ENO4: variants seen among roughly 807,000 people sequenced by gnomAD.
The protein encoded by ENO4 is enolase 4.
ENO4 carries 53 observed loss-of-function variants against 63.2 expected under a neutral mutation model. The observed-to-expected ratio is 0.84, with a 90% CI of 0.67 to 1.05. The LOEUF (loss-of-function observed/expected upper bound fraction) is 1.05, where lower values mean the gene tolerates loss of function less well. ENO4 is among the 50% of genes least tolerant of loss of function. The probability of loss-of-function intolerance (pLI) is 0.00; values close to 1 mark genes in which losing one functional copy is unlikely to be tolerated. For missense variants in ENO4, 719 were observed against 772.0 expected, an observed-to-expected ratio of 0.93 and a Z score of 0.81; for synonymous variants, 266 against 283.8, an observed-to-expected ratio of 0.94 and a Z score of 0.63.
intron 8 of ENO4, 120 bp from the exon 9 acceptor site, chr10:116,871,005 G>A (rs957071309): frequency 5.3e-5 from 43 of 818,922 alleles, no homozygotes; most frequent in Non-Finnish European, 7.3e-5. Flanking sequence ...AAGTAGGATT[G>A]AGAATCAAAG....
intron 10 of ENO4, among the ~76,000 whole-genome samples, chr10:116,891,166 T>C (rs1490432473): frequency 6.6e-6 from 1 of 152,264 alleles, no homozygotes; most frequent in Non-Finnish European, 1.5e-5. Flanking sequence ...TGGGACATTT[T>C]GAACATTACA....
chr10:116,853,441 A>G (rs1846150792), intron 1 of ENO4, among the ~76,000 whole-genome samples: 1 of 152,170 alleles, frequency 6.6e-6, no homozygotes, highest in African/African-American at 2.4e-5. Flanking sequence ...TAATGACATA[A>G]TGTATATACA....
rs1250130211 is a variant in ENO4 at position 116,879,849 on chromosome 10, AGT to A, written c.1606-19_1606-18del. On this transcript the variant is annotated intron_variant, in intron 12 of 13. Transcript: ENST00000341276. ...AGACATGGCTCCTCCGTCTAAAATT[AGT>A]TTTTTCCCCCCTTTCAGGCTGTTGG... is the stretch of plus-strand genomic sequence containing the variant. 1.3e-6 allele frequency: 2 copies of A among 1,528,952 alleles called. No homozygotes were observed. Among genetic ancestry groups the A allele is most frequent in the East Asian group, 4.9e-5 (2 of 40,768 alleles). The allele number at this position is 1,528,952 out of a possible 1,614,324, so 94.7% of individuals were successfully genotyped here. A position where few individuals can be genotyped will look rare whatever the true frequency, so the allele number is the denominator to read the frequency against.
At chr10:116,878,683 C>G (rs1846903966) in intron 11 of ENO4, among the ~76,000 whole-genome samples, 1 of 150,956 alleles carries the variant, frequency 6.6e-6, no homozygotes, top group African/African-American at 2.4e-5. Flanking sequence ...CTAATTTGAG[C>G]ATCCCCCTAC....
intron 10 of ENO4, among the ~76,000 whole-genome samples, chr10:116,874,639 A>G (rs1056095123): frequency 6.6e-6 from 1 of 152,114 alleles, no homozygotes; most frequent in Non-Finnish European, 1.5e-5. Flanking sequence ...TTCAACCTAA[A>G]TCCAGTCACT....
intron 11 of ENO4, among the ~76,000 whole-genome samples, chr10:116,877,299 T>C (rs910771955): frequency 1.3e-5 from 2 of 152,134 alleles, no homozygotes; most frequent in African/African-American, 4.8e-5. Context: ...AGCTCTTTCT[T>C]CCACATAGGC....
rs889066099 is a variant in ENO4 at position 116,855,165 on chromosome 10, C to T, written c.166-458C>T. Among the ~76,000 whole-genome samples the T allele has an allele frequency of 7.3e-5, 11 of 150,276 alleles. No individual in the cohort carries two copies. The East Asian group carries it at 1.0e-3, about 14-fold the overall frequency. ...AAAATTAGCTGAGCATGATGGCGCA[C>T]GCCTGTAGTCCCTGCTACTCGGGAG... On this transcript the variant is annotated intron_variant, in intron 1 of 13. Transcript: ENST00000341276.
At chr10:116,851,182 C>T (rs1846072422) in intron 1 of ENO4, among the ~76,000 whole-genome samples, 1 of 152,202 alleles carries the variant, frequency 6.6e-6, no homozygotes, top group Non-Finnish European at 1.5e-5. Context: ...TTGTACAGCT[C>T]TCTGGGAACT....
intron 7 of ENO4, among the ~76,000 whole-genome samples, chr10:116,868,302 G>C (rs941397693): frequency 1.3e-5 from 2 of 152,198 alleles, no homozygotes; most frequent in Non-Finnish European, 2.9e-5. Flanking sequence ...TGCAGAAAAA[G>C]GGTGCCTGCA....
chr10:116,859,648 T>G (rs752220802), intron 4 of ENO4, among the ~76,000 whole-genome samples: 5 of 152,224 alleles, frequency 3.3e-5, no homozygotes, highest in African/African-American at 4.8e-5. Flanking sequence ...CCTCAGCCCC[T>G]GCAGTACTGT....
downstream of ENO4, chr10:116,886,323 G>A (rs17095398): frequency 0.13 from 197,930 of 1,551,896 alleles, 13,878 homozygotes; most frequent in South Asian, 0.15. Flanking sequence ...TTCCAAACAT[G>A]TCAGGCTTCT....
Position 116,876,082 on chromosome 10 carries a change from C to T in ENO4, c.1359C>T (p.Asp453=). ...PFRKEDSEQW[D]SIYHALGSRC... ...TTACCCAGGACTCTGAACAGTGGGA[C>T]AGCATCTATCACGCACTTGGTTCCA... The change falls in exon 11 of 14, where the codon GAC becomes GAT. Residue 453 remains aspartate (D), a synonymous_variant. Transcript: ENST00000341276. 1 of 1,546,734 alleles carries T rather than the reference C, an allele frequency of 6.5e-7. No homozygotes were observed. The highest frequency in any genetic ancestry group is 8.7e-7 in the Non-Finnish European group (1 of 1,145,432).
downstream of ENO4, among the ~76,000 whole-genome samples, chr10:116,886,919 C>T (rs566124612): frequency 7.9e-5 from 12 of 152,312 alleles, no homozygotes; most frequent in African/African-American, 2.4e-4. Flanking sequence ...GACCCCCACC[C>T]GCCCTCACTT....
chr10:116,854,940 C>CAAAAAAAAAAAAAAAAAAAAA (rs71013620), intron 1 of ENO4, among the ~76,000 whole-genome samples: 3 of 41,524 alleles, frequency 7.2e-5, no homozygotes, highest in Admixed American at 8.6e-4. Context: ...GACCCTGTCT[C>CAAAAAAAAAAAAAAAAAAAAA]AAAAAAAAAA....
At chr10:116,879,714 G>C (rs1428163348) in intron 12 of ENO4, among the ~76,000 whole-genome samples, 155 bp from the exon 13 acceptor site, 2 of 152,216 alleles carry the variant, frequency 1.3e-5, no homozygotes, top group Admixed American at 6.5e-5. Flanking sequence ...AGCACTCTCA[G>C]CTTGTAGGCC....
intron 9 of ENO4, among the ~76,000 whole-genome samples, chr10:116,873,456 C>T (rs149624578): frequency 5.1e-4 from 77 of 152,282 alleles, no homozygotes; most frequent in African/African-American, 1.8e-3. Flanking sequence ...TACTTCTATA[C>T]TTAATGACTT....
At chr10:116,884,882 T>A (rs1219163115), downstream of ENO4, 1 of 153,932 alleles carries the variant, frequency 6.5e-6, no homozygotes, top group Non-Finnish European at 1.4e-5. Context: ...CGTGAATTAA[T>A]GCAGTCTGTA....
rs1846339752 is a variant in ENO4, at chr10:116,858,936, C to T, written c.486-54C>T. 5 of 1,238,306 alleles carry T rather than the reference C, an allele frequency of 4.0e-6. No homozygotes were observed. In the Admixed American group the frequency reaches 8.8e-5, roughly 22 times the overall value. The allele number at this position is 1,238,306 out of a possible 1,614,324, so 76.7% of individuals were successfully genotyped here. ...CATCTCTAAAACATGACCAAAATCA[C>T]AGAGTGATATTCCTAAATATCCCAC... is the stretch of plus-strand genomic sequence containing the variant. On this transcript the variant is annotated intron_variant, in intron 3 of 13. Transcript: ENST00000341276.
At chr10:116,907,548 TATG>T (rs1848021710) in intron 10 of ENO4, among the ~76,000 whole-genome samples, 1 of 152,216 alleles carries the variant, frequency 6.6e-6, no homozygotes, top group African/African-American at 2.4e-5. Context: ...GAGTGAGAGC[TATG>T]GTTTTCCATC....
Sources: allele counts gnomAD v4.1 joint callset (sites outside exome capture counted in the v4.1 genomes callset), GRCh38; gene constraint gnomAD v4.1.1; transcripts MANE v1.5; gene names NCBI Gene and HGNC (gene_info 2026-07-23, HGNC 2026-07-21).